PPFIBP2: variants seen among roughly 807,000 people sequenced by gnomAD.
PPFIBP2 encodes the protein liprin-beta-2.
PPFIBP2 carries 118 observed loss-of-function variants against 118.3 expected under a neutral mutation model. The ratio of observed to expected loss-of-function variants is 1.00; its 90% CI spans 0.86 to 1.16. The LOEUF is 1.16. Among genes scored for constraint, PPFIBP2 ranks in the 50% most tolerant of loss-of-function variants. The pLI is 0.00. For synonymous variants in PPFIBP2, 414 were observed against 397.4 expected (o/e 1.04, Z -0.50); for missense variants, 1,195 against 1,073.1 (o/e 1.11, Z -1.59).
At chr11:7,646,753 C>G (rs1448514102) in intron 17 of PPFIBP2, among the ~76,000 whole-genome samples, 2 of 152,130 alleles carry the variant, frequency 1.3e-5, no homozygotes, top group Non-Finnish European at 2.9e-5. Flanking sequence ...AACACCCTGT[C>G]TCTAAAATAA....
At chr11:7,618,429 G>A (rs1022380591) in intron 6 of PPFIBP2, among the ~76,000 whole-genome samples, 2 of 152,180 alleles carry the variant, frequency 1.3e-5, no homozygotes, top group Non-Finnish European at 2.9e-5. Context: ...ACCCACAGTG[G>A]CAGCCCCTCA....
chr11:7,647,289 C>T (rs1453964710), intron 17 of PPFIBP2, among the ~76,000 whole-genome samples: 2 of 152,056 alleles, frequency 1.3e-5, no homozygotes, highest in African/African-American at 2.4e-5. Flanking sequence ...GTCGAATCCC[C>T]CCTAAAAAAA....
chr11:7,654,460 A>G (rs1402654859), downstream of PPFIBP2, among the ~76,000 whole-genome samples: 1 of 152,080 alleles, frequency 6.6e-6, no homozygotes, highest in Non-Finnish European at 1.5e-5. Flanking sequence ...CGGCCTGATG[A>G]CTCCATTCCA....
At chr11:7,666,453 A>G in the PPFIBP2 span, 1 of 1,606,992 alleles carries the variant, frequency 6.2e-7, no homozygotes, top group Non-Finnish European at 8.5e-7. Flanking sequence ...TGTCGTACCA[A>G]TGGGAGGCCT....
chr11:7,550,105 T>C (rs1265084737), intron 2 of PPFIBP2, among the ~76,000 whole-genome samples: 3 of 152,206 alleles, frequency 2.0e-5, no homozygotes, highest in Non-Finnish European at 4.4e-5. Context: ...AGCAAAGCTG[T>C]GGTTAATTTG....
chr11:7,617,191 G>T (rs544890087), intron 6 of PPFIBP2: 3 of 985,402 alleles, frequency 3.0e-6, no homozygotes, highest in Non-Finnish European at 3.6e-6. Context: ...ATTCAAGAGC[G>T]CCTGTTACTC....
intron 1 of PPFIBP2, among the ~76,000 whole-genome samples, chr11:7,525,250 C>T (rs978299239): frequency 1.3e-5 from 2 of 152,154 alleles, no homozygotes; most frequent in African/African-American, 4.8e-5. Flanking sequence ...GCTATTGCTC[C>T]GTACCTCTTT....
In PPFIBP2 at chr11:7,635,577, C is replaced by G. The variant is rs141812869; in HGVS notation, c.1220C>G (p.Pro407Arg). The change falls in exon 14 of 24, where the codon CCG becomes CGG. Residue 407 changes from proline (P) to arginine (R), a missense_variant. Pro to Arg is a moderately radical substitution (Grantham distance 103, BLOSUM62 -2). Coordinates refer to ENST00000299492, the MANE Select transcript of PPFIBP2 (RefSeq NM_003621.5). ...DKCMDGNQPF[P>R]VLEPKDSPFL... ...TGTATGGATGGGAACCAGCCCTTCC[C>G]GGTGTTAGAACCCAAGGTACATTGA... 3 of 1,611,070 alleles carry G rather than the reference C, an allele frequency of 1.9e-6. No homozygotes were observed. Among genetic ancestry groups the G allele is most frequent in the Non-Finnish European group, 2.5e-6 (3 of 1,177,186 alleles).
intron 17 of PPFIBP2, among the ~76,000 whole-genome samples, chr11:7,644,853 C>T (rs1165363097): frequency 6.6e-6 from 1 of 150,986 alleles, no homozygotes; most frequent in Admixed American, 6.6e-5. Context: ...CGGTGAAACC[C>T]CGTCTCTACT....
intron 1 of PPFIBP2, among the ~76,000 whole-genome samples, chr11:7,532,526 C>A (rs1488755918): frequency 6.6e-6 from 1 of 152,244 alleles, no homozygotes; most frequent in Admixed American, 6.5e-5. Flanking sequence ...GGAAGCCTGA[C>A]TGGCCTCGTC....
At chr11:7,604,310 C>A (rs1250129195) in intron 5 of PPFIBP2, among the ~76,000 whole-genome samples, 1 of 152,168 alleles carries the variant, frequency 6.6e-6, no homozygotes, top group Non-Finnish European at 1.5e-5. Context: ...GAAATGCAAG[C>A]TGCATCTCAA....
At chr11:7,542,918 A>G (rs1425510351) in intron 1 of PPFIBP2, among the ~76,000 whole-genome samples, 2 of 152,224 alleles carry the variant, frequency 1.3e-5, no homozygotes, top group Non-Finnish European at 2.9e-5. Flanking sequence ...AATGAAATTG[A>G]TTTTATACTG....
rs529888593 is a variant in PPFIBP2 at position 7,648,292 on chromosome 11, TTTTTC to T, written c.1647-80_1647-76del. The T allele has an allele frequency of 1.8e-4, 254 of 1,410,282 alleles. 1 individual carries two copies. Among genetic ancestry groups the T allele is most frequent in the South Asian group, 1.1e-3 (72 of 67,354 alleles). The allele number at this position is 1,410,282 out of a possible 1,614,324, so 87.4% of individuals were successfully genotyped here. On this transcript the variant is annotated intron_variant, in intron 17 of 23. Coordinates refer to ENST00000299492, the MANE Select transcript of PPFIBP2 (RefSeq NM_003621.5). ...TTAAAAAACAGGTTTTTTGTTTTGT[TTTTTC>T]TTTTCTTTTCTTTTGTTTGTGAGAC...
rs149701504 is a variant in PPFIBP2 at position 7,541,355 on chromosome 11, G to C, written c.-36-8085G>C. 5.1e-4 allele frequency among the ~76,000 whole-genome samples: 77 copies of C among 152,328 alleles called. 1 individual carries two copies. In the East Asian group the frequency reaches 0.013, roughly 25 times the overall value. On this transcript the variant is annotated intron_variant, in intron 1 of 23. Transcript: ENST00000299492. ...GTTAGGAGGCTATTGTAGTCATCTA[G>C]GGTGAGGTAATACAGGGACAGGTGA...
At chr11:7,545,949 G>A (rs1478401473) in intron 1 of PPFIBP2, among the ~76,000 whole-genome samples, 1 of 152,106 alleles carries the variant, frequency 6.6e-6, no homozygotes, top group Non-Finnish European at 1.5e-5. Context: ...AGGACTGAGC[G>A]ACCCATGATT....
chr11:7,600,074 C>A (rs922191403), intron 5 of PPFIBP2, among the ~76,000 whole-genome samples: 6 of 152,082 alleles, frequency 3.9e-5, no homozygotes, highest in African/African-American at 1.2e-4. Flanking sequence ...AGTATGGTAG[C>A]CACTTCTGAG....
intron 2 of PPFIBP2, among the ~76,000 whole-genome samples, chr11:7,555,053 T>G (rs1204004114): frequency 6.6e-6 from 1 of 152,168 alleles, no homozygotes; most frequent in Non-Finnish European, 1.5e-5. Context: ...GAAATTGAAC[T>G]CTATATTGCT....
chr11:7,663,753 G>C, the PPFIBP2 span, among the ~76,000 whole-genome samples: 1 of 152,216 alleles, frequency 6.6e-6, no homozygotes, highest in Non-Finnish European at 1.5e-5. Flanking sequence ...CAGCCTCGCT[G>C]CTGCCTTGCA....
chr11:7,514,705 T>G (rs934860971), intron 1 of PPFIBP2, among the ~76,000 whole-genome samples: 2 of 152,148 alleles, frequency 1.3e-5, no homozygotes, highest in Non-Finnish European at 2.9e-5. Flanking sequence ...AAAAGTGGGC[T>G]CCCTCCTCAC....
Sources: gnomAD v4.1 joint callset for allele counts (sites outside exome capture counted in the v4.1 genomes callset) on GRCh38, gnomAD v4.1.1 for gene constraint, MANE v1.5 for transcripts, NCBI Gene and HGNC (gene_info 2026-07-23, HGNC 2026-07-21) for gene names.